C2orf78: variants seen among roughly 807,000 people sequenced by gnomAD.
C2orf78 encodes uncharacterized protein C2orf78.
In C2orf78, 12 loss-of-function variants were observed where a neutral mutation model predicts 21.4. The observed-to-expected ratio is 0.56, with a 90% CI of 0.36 to 0.91. The LOEUF (loss-of-function observed/expected upper bound fraction) is 0.91, where lower values mean the gene tolerates loss of function less well. C2orf78 is among the 40% of genes least tolerant of loss of function. The pLI is 0.01. For missense variants in C2orf78, 1,042 were observed against 1,092.4 expected (o/e 0.95, Z 0.65); for synonymous variants, 396 against 413.9 (o/e 0.96, Z 0.52).
rs781496377 is a variant in C2orf78, at chr2:73,809,029, C to A, written c.98-4448C>A. The A allele has an allele frequency of 1.4e-3, 938 of 653,556 alleles. 5 individuals carry two copies. Among genetic ancestry groups the A allele is most frequent in the Admixed American group, 4.8e-3 (160 of 33,072 alleles). The allele number at this position is 653,556 out of a possible 1,614,324, so 40.5% of individuals were successfully genotyped here. On this transcript the variant is annotated intron_variant, in intron 1 of 2. Transcript: ENST00000409561. ...AAGTATTGAAGTAGAAATCCAGAGA[C>A]CTCATTTCAGTTTTGGCTTTGACAT... is the stretch of plus-strand genomic sequence containing the variant.
intron 1 of C2orf78, among the ~76,000 whole-genome samples, chr2:73,809,157 C>T (rs1486701152): frequency 6.6e-6 from 1 of 152,010 alleles, no homozygotes; most frequent in East Asian, 1.9e-4. Context: ...TGGCCTTTTT[C>T]TTTTCTAATA....
chr2:73,784,589 T>A lies in C2orf78; in HGVS notation c.97+183T>A, dbSNP rs1467760654. On this transcript the variant is annotated intron_variant, in intron 1 of 2. Transcript: ENST00000409561. ...TAGCTGTGTGACTTTAGATAACTTT[T>A]ATTCTCTCACAAAATCTGTTTCCTC... Among the ~76,000 whole-genome samples the A allele has an allele frequency of 2.6e-5, 4 of 151,528 alleles. No individual in the cohort carries two copies. In the East Asian group the frequency reaches 5.8e-4, roughly 22 times the overall value.
chr2:73,810,166 A>G (rs1315290767), intron 1 of C2orf78, among the ~76,000 whole-genome samples: 1 of 151,954 alleles, frequency 6.6e-6, no homozygotes, highest in East Asian at 1.9e-4. Flanking sequence ...AGTCATATTC[A>G]GTTGTTTTTT....
intron 1 of C2orf78, among the ~76,000 whole-genome samples, chr2:73,807,662 T>G (rs943386537): frequency 1.1e-5 from 1 of 87,954 alleles, no homozygotes. Flanking sequence ...TTTCCAAACA[T>G]CAGGACACTG....
rs189268459 is a variant in C2orf78 at position 73,808,055 on chromosome 2, C to G, written c.98-5422C>G. On this transcript the variant is annotated intron_variant, in intron 1 of 2. Transcript: ENST00000409561. Reference sequence around the variant, plus strand: ...CAGATCACAAGGTCAGGTGATCGAACCATCCTGGCTAACAGGGTGAAACCC... The same window carrying G: ...CAGATCACAAGGTCAGGTGATCGAAGCATCCTGGCTAACAGGGTGAAACCC... 5.4e-3 allele frequency among the ~76,000 whole-genome samples: 823 copies of G among 151,168 alleles called. 19 individuals carry two copies. The highest frequency in any genetic ancestry group is 0.014 in the Middle Eastern group (4 of 294).
chr2:73,808,616 G>A (rs1673007008), intron 1 of C2orf78: 1 of 151,018 alleles, frequency 6.6e-6, no homozygotes, highest in Admixed American at 6.6e-5. Flanking sequence ...ATCCTGTCTT[G>A]TGGGGAATCT....
chr2:73,816,601 A>C (rs760419798), exon 3 of C2orf78: 11 of 1,612,872 alleles, frequency 6.8e-6, no homozygotes, highest in Non-Finnish European at 9.3e-6. Flanking sequence ...AAAGCAACCC[A>C]ACCCAGTTCA....
chr2:73,786,170 A>G (rs1367775882), intron 1 of C2orf78, among the ~76,000 whole-genome samples: 2 of 152,010 alleles, frequency 1.3e-5, no homozygotes, highest in Non-Finnish European at 2.9e-5. Flanking sequence ...GCCTGAGGTC[A>G]GAAGTTGGAG....
chr2:73,815,673 C>A (rs771938229), exon 3 of C2orf78: 41 of 1,613,768 alleles, frequency 2.5e-5, no homozygotes, highest in Non-Finnish European at 2.5e-6. Context: ...CAAGGTAAAT[C>A]AGGTGCAGGA....
At chr2:73,785,820 G>A (rs1252678987) in intron 1 of C2orf78, among the ~76,000 whole-genome samples, 2 of 152,002 alleles carry the variant, frequency 1.3e-5, no homozygotes, top group African/African-American at 4.8e-5. Flanking sequence ...GCCGAGGTGG[G>A]CTGATCACCT....
chr2:73,792,023 TCTCA>T, intron 1 of C2orf78, among the ~76,000 whole-genome samples: 1 of 1,656 alleles, frequency 6.0e-4, no homozygotes, highest in East Asian at 2.8e-3. Flanking sequence ...TGAAATTCTG[TCTCA>T]CTCTTATAAA....
chr2:73,813,447 G>GT (rs1291098918), intron 1 of C2orf78, 30 bp from the exon 2 acceptor site: 10 of 1,533,976 alleles, frequency 6.5e-6, no homozygotes, highest in Non-Finnish European at 8.7e-6. Context: ...ACTCTCATCG[G>GT]TTTTTTCATC....
Position 73,809,150 on chromosome 2 carries a change from C to T in C2orf78, c.98-4327C>T, listed in dbSNP as rs569578011. ...ATAATAGACTGGTTATTCCCCCTGGCCTTTTTCTTTTCTAATACTGAGTCT... is the reference window on the plus strand; with the variant it reads ...ATAATAGACTGGTTATTCCCCCTGGTCTTTTTCTTTTCTAATACTGAGTCT... On this transcript the variant is annotated intron_variant, in intron 1 of 2. Transcript: ENST00000409561. Among the ~76,000 whole-genome samples the T allele has an allele frequency of 4.1e-4, 63 of 152,184 alleles. No homozygotes were observed. The South Asian group carries it at 0.013, about 31-fold the overall frequency.
At chr2:73,785,557 A>T (rs1672909300) in intron 1 of C2orf78, among the ~76,000 whole-genome samples, 1 of 150,926 alleles carries the variant, frequency 6.6e-6, no homozygotes, top group Non-Finnish European at 1.5e-5. Context: ...AGGACAACAG[A>T]GTGAAATGTA....
chr2:73,786,093 T>A (rs1170491123), intron 1 of C2orf78, among the ~76,000 whole-genome samples: 1 of 151,688 alleles, frequency 6.6e-6, no homozygotes, highest in Non-Finnish European at 1.5e-5. Context: ...GAAATGAGGC[T>A]TCCAGGCAGG....
exon 3 of C2orf78, chr2:73,816,723 A>G (rs1429271635): frequency 6.2e-7 from 1 of 1,613,956 alleles, no homozygotes; most frequent in Admixed American, 1.7e-5. Context: ...TGCTGTGACC[A>G]GTCTCCGGTC....
chr2:73,815,847 G>A lies in C2orf78; in HGVS notation c.1624G>A (p.Ala542Thr), dbSNP rs146758692. Residue 542 changes from alanine to threonine, a missense_variant, in exon 3 of 3, where the codon GCT (alanine) becomes ACT (threonine). Ala to Thr is a moderately conservative substitution (Grantham distance 58). Transcript: ENST00000409561. Reference sequence around the variant, plus strand: ...TGGCAGTGCTACAGTCAGTAACAGCGCTTCTGTGAACAAGGCCAAGCATTC... The same window carrying A: ...TGGCAGTGCTACAGTCAGTAACAGCACTTCTGTGAACAAGGCCAAGCATTC... 457 of 1,613,672 alleles carry A rather than the reference G, an allele frequency of 2.8e-4. No homozygotes were observed. Among genetic ancestry groups the A allele is most frequent in the Non-Finnish European group, 3.5e-4 (414 of 1,179,754 alleles).
chr2:73,784,494 T>A (rs1049717392), intron 1 of C2orf78, 88 bp downstream of exon 1: 20 of 551,882 alleles, frequency 3.6e-5, no homozygotes, highest in Admixed American at 9.2e-5. Flanking sequence ...CCCAAACAGC[T>A]TGGAATAACA....
exon 3 of C2orf78, chr2:73,815,971 A>T (rs1673186222): frequency 1.9e-6 from 3 of 1,614,004 alleles, no homozygotes; most frequent in Non-Finnish European, 2.5e-6. Flanking sequence ...AGCTCCAAGA[A>T]ATCTGAAGAG....
Sources: gnomAD v4.1 joint callset for allele counts (sites outside exome capture counted in the v4.1 genomes callset) on GRCh38, gnomAD v4.1.1 for gene constraint, MANE v1.5 for transcripts, NCBI Gene and HGNC (gene_info 2026-07-23, HGNC 2026-07-21) for gene names.